AGER: variants seen among roughly 807,000 people sequenced by gnomAD.
AGER encodes the protein advanced glycation end product-specific receptor.
AGER carries 46 observed loss-of-function variants against 48.8 expected under a neutral mutation model. That is an observed-to-expected ratio of 0.94 (90% CI 0.74 to 1.20). The LOEUF (loss-of-function observed/expected upper bound fraction) is 1.20. Among genes scored for constraint, AGER ranks in the 50% most tolerant of loss-of-function variants. The pLI is 0.00. For missense variants in AGER, 489 were observed against 515.0 expected, an observed-to-expected ratio of 0.95 and a Z score of 0.49; for synonymous variants, 170 against 199.9, an observed-to-expected ratio of 0.85 and a Z score of 1.26.
At position 32,183,809 on chromosome 6, in the gene AGER, C is replaced by CAG. The variant is rs925938460; in HGVS notation, c.160-61_160-60dup. ...AGGCCTTTGGGAAAGGACTGTGAGG[C>CAG]AGAGTGACGGGGATCCAAATCATTG... On this transcript the variant is annotated intron_variant, in intron 2 of 10. Coordinates refer to ENST00000375076, the MANE Select transcript of AGER (RefSeq NM_001136.5). 14 of 1,611,470 alleles carry CAG rather than the reference C, an allele frequency of 8.7e-6. No homozygotes were observed. The African/African-American group carries it at 1.9e-4, about 21-fold the overall frequency.
At position 32,182,806 on chromosome 6, in the gene AGER, C is replaced by G; in HGVS notation, c.691+35G>C. On this transcript the variant is annotated intron_variant, in intron 6 of 10. Coordinates refer to ENST00000375076, the MANE Select transcript of AGER (RefSeq NM_001136.5). The surrounding 1 kb of genome is among the most constrained non-coding windows in gnomAD (Gnocchi z 5.1). Reference sequence around the variant, plus strand: ...AAGGGTCAGACTTCCAGAACGTGCTCACGTGAGCTTGGGGCCCTCCCCACC... The same window carrying G: ...AAGGGTCAGACTTCCAGAACGTGCTGACGTGAGCTTGGGGCCCTCCCCACC... 1 of 1,612,710 alleles carries G rather than the reference C, an allele frequency of 6.2e-7. No individual in the cohort carries two copies. The highest frequency in any genetic ancestry group is 8.5e-7 in the Non-Finnish European group (1 of 1,179,992).
Position 32,181,702 on chromosome 6 carries a change from C to T in AGER, c.965-70G>A. ...TGAGAGAGGGTTATTTAGTGGGAGC[C>T]CCAGTGGAGTCTTTCCCTTTCTTTT... On this transcript the variant is annotated intron_variant, in intron 8 of 10. Coordinates refer to ENST00000375076, the MANE Select transcript of AGER (RefSeq NM_001136.5). The surrounding 1 kb of genome is among the most constrained non-coding windows in gnomAD (Gnocchi z 4.1). 2 of 1,467,044 alleles carry T rather than the reference C, an allele frequency of 1.4e-6. No homozygotes were observed. Among genetic ancestry groups the T allele is most frequent in the Non-Finnish European group, 1.9e-6 (2 of 1,069,622 alleles). 90.9% of individuals were successfully genotyped at this position (1,467,044 alleles called of 1,614,324 possible). A position where few individuals can be genotyped will look rare whatever the true frequency, so the allele number is the denominator to read the frequency against.
Position 32,182,463 on chromosome 6 carries a change from T to C in AGER, c.823-75A>G. The C allele has an allele frequency of 6.3e-7, 1 of 1,587,862 alleles. No individual in the cohort carries two copies. Among genetic ancestry groups the C allele is most frequent in the East Asian group, 2.2e-5 (1 of 44,590 alleles). The stretch of plus-strand genomic sequence containing the variant: ...TCTCCATATCTTCAGATACCCTCTC[T>C]TCCTCCTCAGCTCCTAGCCTGCCTT... On this transcript the variant is annotated intron_variant, in intron 7 of 10. Coordinates refer to ENST00000375076, the MANE Select transcript of AGER (RefSeq NM_001136.5). The surrounding 1 kb of genome is among the most constrained non-coding windows in gnomAD (Gnocchi z 5.1).
Position 32,182,662 on chromosome 6 carries a change from T to C in AGER, c.728A>G (p.Glu243Gly). The C allele has an allele frequency of 1.2e-6, 2 of 1,613,074 alleles. No homozygotes were observed. The highest frequency in any genetic ancestry group is 1.7e-6 in the Non-Finnish European group (2 of 1,180,018). The change falls in exon 7 of 11, where the codon GAG becomes GGG. Residue 243 changes from glutamate (E) to glycine (G), a missense_variant. By Grantham distance (98) the Glu-to-Gly change is moderately conservative. Transcript: ENST00000375076. This position sits in a 1 kb window ranked among gnomAD's most constrained non-coding sequence, Gnocchi z 5.1. ...AGGAGCTACTGCTCCACCTTCTGGCTCCACCACCAATTGGACCTCCTCCAG... is the reference window on the plus strand; with the variant it reads ...AGGAGCTACTGCTCCACCTTCTGGCCCCACCACCAATTGGACCTCCTCCAG... ...VPLEEVQLVV[E>G]PEGGAVAPGG...
rs1349122196 is a variant in AGER at position 32,182,689 on chromosome 6, G to A, written c.701C>T (p.Pro234Leu). 3.7e-6 allele frequency: 6 copies of A among 1,613,128 alleles called. No homozygotes were observed. The highest frequency in any genetic ancestry group is 2.2e-5 in the East Asian group (1 of 44,884). ...PIQPRVWEPV[P>L]LEEVQLVVEP... is the part of the protein sequence containing the mutation. ...CACCACCAATTGGACCTCCTCCAGA[G>A]GCACAGGCTCTGGGAGTTGGAAGGG... The change falls in exon 7 of 11, where the codon CCT (proline) becomes CTT (leucine). Residue 234 changes from proline (P) to leucine (L), a missense_variant. Pro to Leu is a moderately conservative substitution (Grantham distance 98). Transcript: ENST00000375076. This position sits in a 1 kb window ranked among gnomAD's most constrained non-coding sequence, Gnocchi z 5.1.
rs556375681 is a variant in AGER, at chr6:32,183,323, C to T, written c.420+1G>A. 1 of 1,613,146 alleles carries T rather than the reference C, an allele frequency of 6.2e-7. No homozygotes were observed. The highest frequency in any genetic ancestry group is 1.1e-5 in the South Asian group (1 of 91,090). ...CTACTTCTCCTGCTTTCTTCCACTA[C>T]CTTATTGGGAACACCAGCCGTGAGT... On this transcript the variant is annotated splice_donor_variant, in intron 4 of 10. Coordinates refer to ENST00000375076, the MANE Select transcript of AGER (RefSeq NM_001136.5). LOFTEE classifies it high-confidence loss of function.
chr6:32,183,450 G>A (rs1786629745), intron 3 of AGER, 62 bp from the exon 4 acceptor site: 2 of 1,606,816 alleles, frequency 1.2e-6, no homozygotes, highest in Non-Finnish European at 1.7e-6. Flanking sequence ...TCTGTGTGTG[G>A]AAATGAGGCC....
In AGER at chr6:32,183,953, C is replaced by G; in HGVS notation, c.87G>C (p.Arg29=). 1 of 1,613,018 alleles carries G rather than the reference C, an allele frequency of 6.2e-7. No individual in the cohort carries two copies. ...AVVGAQNITA[R]IGEPLVLKCK... is the part of the protein sequence containing the mutation. ...ACTTCAGCACCAGTGGCTCGCCAAT[C>G]CGGGCTGTGATGTTTTGAGCACCTA... Residue 29 remains arginine, a synonymous_variant, in exon 2 of 11, where the codon CGG becomes CGC. Transcript: ENST00000375076.
At position 32,181,206 on chromosome 6, in the gene AGER, C is replaced by T. The variant is rs1323284259; in HGVS notation, c.1152G>A (p.Glu384=). The change falls in exon 11 of 11, where the codon GAG becomes GAA. Residue 384 remains glutamate, a synonymous_variant. Coordinates refer to ENST00000375076, the MANE Select transcript of AGER (RefSeq NM_001136.5). This position sits in a 1 kb window ranked among gnomAD's most constrained non-coding sequence, Gnocchi z 4.1. ...KAPENQEEEE[E]RAELNQSEEP... is the part of the protein sequence containing the mutation. ...CCTCCGACTGATTCAGTTCTGCACG[C>T]TCCTCCTCTTCCTCCTGGTTTTCTG... 2.5e-6 allele frequency: 4 copies of T among 1,614,098 alleles called. No homozygotes were observed. The highest frequency in any genetic ancestry group is 2.2e-5 in the East Asian group (1 of 44,892).
In AGER at chr6:32,183,197, C is replaced by T; in HGVS notation, c.425G>A (p.Gly142Glu). 3 of 1,613,050 alleles carry T rather than the reference C, an allele frequency of 1.9e-6. No individual in the cohort carries two copies. The highest frequency in any genetic ancestry group is 1.1e-5 in the South Asian group (1 of 91,086). Residue 142 changes from glycine (G) to glutamate (E), a missense_variant, in exon 5 of 11, where the codon GGG becomes GAG. Physicochemically the swap from Gly to Glu is moderately conservative, Grantham distance 98. Transcript: ENST00000375076. ...GTAGCTTCCCTCTGACACACATGTC[C>T]CCACCTGGGGAAAGAGTGGTGACCT... ...ELTAGVPNKV[G>E]TCVSEGSYPA...
rs1448800771 is a variant in AGER, at chr6:32,181,569, C to G, written c.991+37G>C. Reference sequence around the variant, plus strand: ...TCCCCCCAGTCACATGTGTTGGGGGCTATCTTCTGCTTCCCTGACTTTATC... The same window carrying G: ...TCCCCCCAGTCACATGTGTTGGGGGGTATCTTCTGCTTCCCTGACTTTATC... On this transcript the variant is annotated intron_variant, in intron 9 of 10. Transcript: ENST00000375076. This position sits in a 1 kb window ranked among gnomAD's most constrained non-coding sequence, Gnocchi z 4.1. 1 of 1,613,032 alleles carries G rather than the reference C, an allele frequency of 6.2e-7. No individual in the cohort carries two copies. The highest frequency in any genetic ancestry group is 8.5e-7 in the Non-Finnish European group (1 of 1,180,050).
chr6:32,184,135 G>C, intron 1 of AGER, 36 bp downstream of exon 1: 1 of 1,606,922 alleles, frequency 6.2e-7, no homozygotes, highest in Non-Finnish European at 8.5e-7. Flanking sequence ...AGTGCTTTCT[G>C]CAGGGAGGGT....
In AGER at chr6:32,182,781, A is replaced by G. The variant is rs572792062; in HGVS notation, c.691+60T>C. 6.2e-7 allele frequency: 1 copy of G among 1,612,624 alleles called. No individual in the cohort carries two copies. Among genetic ancestry groups the G allele is most frequent in the South Asian group, 1.1e-5 (1 of 91,080 alleles). Reference sequence around the variant, plus strand: ...CATGGGCTTGACTCCCTCTTTCCCTAAGGGTCAGACTTCCAGAACGTGCTC... The same window carrying G: ...CATGGGCTTGACTCCCTCTTTCCCTGAGGGTCAGACTTCCAGAACGTGCTC... On this transcript the variant is annotated intron_variant, in intron 6 of 10. Transcript: ENST00000375076. This position sits in a 1 kb window ranked among gnomAD's most constrained non-coding sequence, Gnocchi z 5.1.
chr6:32,182,100 G>T lies in AGER; in HGVS notation c.964+147C>A. The T allele has an allele frequency of 1.8e-6, 2 of 1,140,840 alleles. No homozygotes were observed. Among genetic ancestry groups the T allele is most frequent in the Non-Finnish European group, 1.3e-6 (1 of 777,402 alleles). The allele number at this position is 1,140,840 out of a possible 1,614,324, so 70.7% of individuals were successfully genotyped here. ...TGGCTGCTCTCTTGGCAGAATTTGG[G>T]TGGGGCAGGGGAGGCTTGGGTGTGG... On this transcript the variant is annotated intron_variant, in intron 8 of 10. Coordinates refer to ENST00000375076, the MANE Select transcript of AGER (RefSeq NM_001136.5). The surrounding 1 kb of genome is among the most constrained non-coding windows in gnomAD (Gnocchi z 5.1).
Position 32,182,586 on chromosome 6 carries a change from T to C in AGER, c.804A>G (p.Gln268=). The change falls in exon 7 of 11, where the codon CAA becomes CAG. Residue 268 remains glutamine (Q), a synonymous_variant. Transcript: ENST00000375076. The surrounding 1 kb of genome is among the most constrained non-coding windows in gnomAD (Gnocchi z 5.1). ...CACTCACATCCTTCATCCAGTGGAT[T>C]TGAGGAGAGGGCTGGGCAGGGACTT... ...TCEVPAQPSP[Q]IHWMKDGVPL... The C allele has an allele frequency of 4.3e-6, 7 of 1,612,980 alleles. No individual in the cohort carries two copies. Among genetic ancestry groups the C allele is most frequent in the African/African-American group, 1.3e-5 (1 of 75,012 alleles).
In AGER at chr6:32,183,490, G is replaced by C. The variant is rs929331195; in HGVS notation, c.355+65C>G. Reference sequence around the variant, plus strand: ...GAAGTCAGAGGCCCTCATGGGCCAAGGCTGGGGTTGAAGGCTTTTTCTTAG... The same window carrying C: ...GAAGTCAGAGGCCCTCATGGGCCAACGCTGGGGTTGAAGGCTTTTTCTTAG... On this transcript the variant is annotated intron_variant, in intron 3 of 10. Transcript: ENST00000375076. 3 of 1,610,692 alleles carry C rather than the reference G, an allele frequency of 1.9e-6. No homozygotes were observed. In the South Asian group the frequency reaches 3.3e-5, roughly 18 times the overall value.
In AGER at chr6:32,183,540, C is replaced by T. The variant is rs1165901935; in HGVS notation, c.355+15G>A. On this transcript the variant is annotated intron_variant, in intron 3 of 10. Transcript: ENST00000375076. ...GGTAAGAGGGAGGCCTTGGAGAAGA[C>T]CCTGGAATTCTTACGGTAGACACGG... The T allele has an allele frequency of 6.2e-7, 1 of 1,613,064 alleles. No individual in the cohort carries two copies. The highest frequency in any genetic ancestry group is 8.5e-7 in the Non-Finnish European group (1 of 1,180,010).
rs1351809323 is a variant in AGER at position 32,183,982 on chromosome 6, C to T, written c.58G>A (p.Val20Ile). ...GCTGTGATGTTTTGAGCACCTACTACTGCCCCTGGGAGATAGCACCATGGT... is the reference window on the plus strand; with the variant it reads ...GCTGTGATGTTTTGAGCACCTACTATTGCCCCTGGGAGATAGCACCATGGT... ...WVLVLSLWGA[V>I]VGAQNITARI... The change falls in exon 2 of 11, where the codon GTA becomes ATA. Residue 20 changes from valine (V) to isoleucine (I), a missense_variant. Physicochemically the swap from Val to Ile is conservative, Grantham distance 29 (BLOSUM62 3). Coordinates refer to ENST00000375076, the MANE Select transcript of AGER (RefSeq NM_001136.5). 1.2e-6 allele frequency: 2 copies of T among 1,612,930 alleles called. No homozygotes were observed. Among genetic ancestry groups the T allele is most frequent in the South Asian group, 1.1e-5 (1 of 91,082 alleles).
At position 32,183,553 on chromosome 6, in the gene AGER, ACGGTAGACACGGACT is replaced by A; in HGVS notation, c.342_355+1del. 6 of 1,613,092 alleles carry A rather than the reference ACGGTAGACACGGACT, an allele frequency of 3.7e-6. No individual in the cohort carries two copies. The highest frequency in any genetic ancestry group is 5.1e-6 in the Non-Finnish European group (6 of 1,180,044). The stretch of plus-strand genomic sequence containing the variant: ...CCTTGGAGAAGACCCTGGAATTCTT[ACGGTAGACACGGACT>A]CGGTAGTTGGACTTGGTCTCCTTTC... On this transcript the variant is annotated splice_donor_variant and coding_sequence_variant, in exon 3 of 11. Coordinates refer to ENST00000375076, the MANE Select transcript of AGER (RefSeq NM_001136.5). LOFTEE classifies it high-confidence loss of function.
Sources: allele counts gnomAD v4.1 joint callset, GRCh38; gene constraint gnomAD v4.1.1; non-coding constraint Gnocchi (gnomAD v3.1); transcripts MANE v1.5; gene names NCBI Gene and HGNC (gene_info 2026-07-23, HGNC 2026-07-21).